Variants in CSMD1 observed in about 807,000 individuals in gnomAD.
CSMD1 encodes CUB and Sushi multiple domains 1.
Under a neutral mutation model 417.5 loss-of-function variants are expected in CSMD1, and 213 were observed. The observed-to-expected ratio is 0.51, with a 90% CI of 0.46 to 0.57. The LOEUF (loss-of-function observed/expected upper bound fraction) is 0.57, where lower values mean the gene tolerates loss of function less well. Ranked by LOEUF, CSMD1 falls within the 20% of genes least tolerant of loss-of-function variation. The pLI is 0.00. For synonymous variants in CSMD1, 2,862 were observed against 1,736.8 expected, an observed-to-expected ratio of 1.65 and a Z score of -16.11; for missense variants, 6,923 against 4,529.7, an observed-to-expected ratio of 1.53 and a Z score of -15.17.
chr8:3,893,718 C>T (rs1437978682), intron 5 of CSMD1, among the ~76,000 whole-genome samples: 1 of 151,914 alleles, frequency 6.6e-6, no homozygotes, highest in Non-Finnish European at 1.5e-5. Context: ...ACAATACAGC[C>T]ATCACAATAA....
chr8:4,006,033 T>A (rs186555027), intron 4 of CSMD1, among the ~76,000 whole-genome samples: 2 of 152,188 alleles, frequency 1.3e-5, no homozygotes, highest in East Asian at 3.9e-4. Context: ...TAGGACAGAT[T>A]TGAAAAAAAG....
intron 11 of CSMD1, among the ~76,000 whole-genome samples, chr8:3,489,320 C>A (rs2117281358): frequency 6.6e-6 from 1 of 152,300 alleles, no homozygotes; most frequent in South Asian, 2.1e-4. Context: ...TACTTGCTCA[C>A]AGATGTCCCT....
At chr8:3,717,018 G>A (rs1801879047) in intron 6 of CSMD1, among the ~76,000 whole-genome samples, 1 of 151,932 alleles carries the variant, frequency 6.6e-6, no homozygotes, top group Non-Finnish European at 1.5e-5. Flanking sequence ...AAAAATAAAG[G>A]TCACAAAGCT....
intron 1 of CSMD1, among the ~76,000 whole-genome samples, chr8:4,810,257 A>G (rs960831098): frequency 3.3e-5 from 5 of 152,248 alleles, no homozygotes; most frequent in Non-Finnish European, 7.3e-5. Context: ...TTTATGTGAA[A>G]TGATTTACCT....
intron 1 of CSMD1, among the ~76,000 whole-genome samples, chr8:4,971,118 T>G (rs1357064538): frequency 6.6e-6 from 1 of 152,020 alleles, no homozygotes; most frequent in African/African-American, 2.4e-5. Flanking sequence ...AAATTCAGAC[T>G]TCAAACAATC....
intron 2 of CSMD1, among the ~76,000 whole-genome samples, chr8:4,530,367 T>A (rs1796746531): frequency 7.2e-6 from 1 of 138,854 alleles, no homozygotes; most frequent in African/African-American, 2.6e-5. Flanking sequence ...GGGATACACT[T>A]GCTGAACGTG....
At position 4,960,402 on chromosome 8, in the gene CSMD1, G is replaced by C. The variant is rs114080279; in HGVS notation, c.85+33930C>G. ...AATTTGAGAGAGCTGGCAAGCTACC[G>C]ATCTCACTCTTCTTTCCCACTGTTG... On this transcript the variant is annotated intron_variant, in intron 1 of 69. Coordinates refer to ENST00000635120, the MANE Select transcript of CSMD1 (RefSeq NM_033225.6). 8.0e-3 allele frequency among the ~76,000 whole-genome samples: 1,222 copies of C among 152,256 alleles called. 25 individuals carry two copies. Among genetic ancestry groups the C allele is most frequent in the African/African-American group, 0.028 (1,155 of 41,550 alleles).
At chr8:3,143,441 A>G (rs957499941) in intron 40 of CSMD1, among the ~76,000 whole-genome samples, 1 of 152,226 alleles carries the variant, frequency 6.6e-6, no homozygotes, top group Non-Finnish European at 1.5e-5. Flanking sequence ...AGTATCTCTG[A>G]TATCATACTC....
rs114324129 is a variant in CSMD1 at position 4,711,192 on chromosome 8, T to C, written c.86-73634A>G. ...AAAACCATGATCCTTTTATTACTCA[T>C]ACTTGGAAAGGCAAATTTGAAGTAA... On this transcript the variant is annotated intron_variant, in intron 1 of 69. Coordinates refer to ENST00000635120, the MANE Select transcript of CSMD1 (RefSeq NM_033225.6). 2.8e-3 allele frequency among the ~76,000 whole-genome samples: 422 copies of C among 151,854 alleles called. 5 individuals carry two copies. The highest frequency in any genetic ancestry group is 9.8e-3 in the African/African-American group (408 of 41,450).
At chr8:4,035,646 A>T (rs1199548056) in intron 3 of CSMD1, among the ~76,000 whole-genome samples, 1 of 152,246 alleles carries the variant, frequency 6.6e-6, no homozygotes, top group Non-Finnish European at 1.5e-5. Flanking sequence ...TTAAATAGAC[A>T]AACTCTTATG....
chr8:4,158,029 T>A (rs1483082292), intron 3 of CSMD1, among the ~76,000 whole-genome samples: 4 of 151,878 alleles, frequency 2.6e-5, no homozygotes, highest in South Asian at 2.1e-4. Flanking sequence ...ACGGAACCAA[T>A]GCCTGCTCAA....
intron 1 of CSMD1, among the ~76,000 whole-genome samples, chr8:4,800,339 G>C (rs1471641481): frequency 6.6e-6 from 1 of 150,952 alleles, no homozygotes; most frequent in African/African-American, 2.4e-5. Context: ...GCTGAGGCAG[G>C]AAGATTTCTT....
intron 3 of CSMD1, among the ~76,000 whole-genome samples, chr8:4,041,377 T>C (rs1252641560): frequency 1.3e-5 from 2 of 152,130 alleles, no homozygotes; most frequent in African/African-American, 4.8e-5. Flanking sequence ...CGCAAAACTA[T>C]GACAAGAATT....
At chr8:3,437,754 C>T (rs1000264960) in intron 12 of CSMD1, among the ~76,000 whole-genome samples, 2 of 148,638 alleles carry the variant, frequency 1.3e-5, no homozygotes, top group Non-Finnish European at 3.0e-5. Context: ...GATATCTTTT[C>T]TTTTTTTTTT....
chr8:3,032,406 G>A (rs756597959), intron 50 of CSMD1, among the ~76,000 whole-genome samples: 23 of 151,884 alleles, frequency 1.5e-4, no homozygotes, highest in African/African-American at 4.1e-4. Flanking sequence ...GCACCCCTGC[G>A]TTCATACAAA....
intron 2 of CSMD1, among the ~76,000 whole-genome samples, chr8:4,550,494 T>C (rs1405693371): frequency 6.6e-6 from 1 of 152,190 alleles, no homozygotes; most frequent in African/African-American, 2.4e-5. Flanking sequence ...GCTTATTCTC[T>C]ATCTTTAACT....
intron 1 of CSMD1, among the ~76,000 whole-genome samples, chr8:4,744,772 A>G (rs189214003): frequency 2.0e-5 from 3 of 152,264 alleles, no homozygotes; most frequent in Admixed American, 2.0e-4. Context: ...GTTCACTGAA[A>G]TCTTGTAGAA....
chr8:3,104,715 T>C (rs1816004708), intron 46 of CSMD1, among the ~76,000 whole-genome samples: 1 of 150,248 alleles, frequency 6.7e-6, no homozygotes, highest in Non-Finnish European at 1.5e-5. Context: ...CTTTTCTTTT[T>C]TTTTTTTTTT....
intron 49 of CSMD1, 45 bp downstream of exon 49, chr8:3,087,052 G>C: frequency 1.3e-6 from 2 of 1,492,224 alleles, no homozygotes; most frequent in African/African-American, 1.4e-5. Flanking sequence ...TAAAATGAGA[G>C]CAATACACAG....
Sources: gnomAD v4.1 joint callset for allele counts (sites outside exome capture counted in the v4.1 genomes callset) on GRCh38, gnomAD v4.1.1 for gene constraint, MANE v1.5 for transcripts, NCBI Gene and HGNC (gene_info 2026-07-23, HGNC 2026-07-21) for gene names.